RCAN2: variants seen among roughly 807,000 people sequenced by gnomAD.
The protein encoded by RCAN2 is regulator of calcineurin 2, also known as calcipressin-2.
In RCAN2, 9 loss-of-function variants were observed where a neutral mutation model predicts 23.6. That is an observed-to-expected ratio of 0.38 (90% CI 0.23 to 0.67). The LOEUF is 0.67. Among genes scored for constraint, RCAN2 ranks in the 30% least tolerant of loss-of-function variants. RCAN2 has a pLI of 0.51. For missense variants in RCAN2, 273 were observed against 302.3 expected (o/e 0.90, Z 0.72); for synonymous variants, 109 against 115.7 (o/e 0.94, Z 0.37).
At chr6:46,411,921 A>C (rs1478990374) in intron 2 of RCAN2, among the ~76,000 whole-genome samples, 1 of 152,170 alleles carries the variant, frequency 6.6e-6, no homozygotes, top group African/African-American at 2.4e-5. Context: ...GTATGATGGG[A>C]AGTGATTGGA....
intron 2 of RCAN2, among the ~76,000 whole-genome samples, chr6:46,300,515 C>T (rs893988586): frequency 2.0e-5 from 3 of 151,918 alleles, no homozygotes; most frequent in African/African-American, 7.2e-5. Context: ...ACCCACAGAT[C>T]CCTGATAAAT....
At chr6:46,379,958 C>A (rs560368525) in intron 2 of RCAN2, among the ~76,000 whole-genome samples, 1 of 152,228 alleles carries the variant, frequency 6.6e-6, no homozygotes, top group East Asian at 1.9e-4. Flanking sequence ...TTTAGAAAAA[C>A]CTTCCAAAAA....
At chr6:46,278,491 A>G (rs929023158) in intron 2 of RCAN2, among the ~76,000 whole-genome samples, 3 of 152,182 alleles carry the variant, frequency 2.0e-5, no homozygotes, top group Non-Finnish European at 4.4e-5. Flanking sequence ...TATATTTACT[A>G]AAATCAAGGA....
rs568232970 is a variant in RCAN2 at position 46,225,842 on chromosome 6, A to G, written c.572-2541T>C. On this transcript the variant is annotated intron_variant, in intron 4 of 4. Transcript: ENST00000371374. ...TTGTTGCCATTGCTTCTGGTGTTTC[A>G]GTCATGAAGTCCTTGCCCATGCCTA... Among the ~76,000 whole-genome samples the G allele has an allele frequency of 1.9e-3, 292 of 152,272 alleles. 2 individuals carry two copies. The highest frequency in any genetic ancestry group is 6.4e-3 in the African/African-American group (265 of 41,542).
chr6:46,473,332 CACAT>C (rs1768620985), intron 1 of RCAN2, among the ~76,000 whole-genome samples: 1 of 152,140 alleles, frequency 6.6e-6, no homozygotes, highest in South Asian at 2.1e-4. Flanking sequence ...TGGCATCACA[CACAT>C]ACAGACACAT....
At chr6:46,241,039 C>T (rs926343626) in intron 4 of RCAN2, among the ~76,000 whole-genome samples, 1 of 152,184 alleles carries the variant, frequency 6.6e-6, no homozygotes, top group Non-Finnish European at 1.5e-5. Flanking sequence ...TCCCTGCAGG[C>T]ATTTTCAGTG....
chr6:46,392,823 T>C lies in RCAN2; in HGVS notation c.225+63929A>G, dbSNP rs189384673. Among the ~76,000 whole-genome samples the C allele has an allele frequency of 9.6e-4, 146 of 152,220 alleles. 2 individuals are homozygous for C. Among genetic ancestry groups the C allele is most frequent in the African/African-American group, 3.1e-3 (127 of 41,552 alleles). On this transcript the variant is annotated intron_variant, in intron 2 of 4. Transcript: ENST00000371374. ...CATCTTTTAGGACAGTTGTAGAAAA[T>C]TGATGAATTGGAGCTAGAACTAGAT... is the stretch of plus-strand genomic sequence containing the variant.
At chr6:46,301,869 G>T (rs1285931161) in intron 2 of RCAN2, among the ~76,000 whole-genome samples, 1 of 152,074 alleles carries the variant, frequency 6.6e-6, no homozygotes, top group Non-Finnish European at 1.5e-5. Context: ...CAAATAGATG[G>T]AATCCTGTAG....
chr6:46,468,760 C>T (rs1768466109), intron 1 of RCAN2: 1 of 964,202 alleles, frequency 1.0e-6, no homozygotes, highest in African/African-American at 1.8e-5. Flanking sequence ...TCTCCCCACT[C>T]TTTCTCTCTC....
In RCAN2 at chr6:46,433,936, T is replaced by A. The variant is rs1245488081; in HGVS notation, c.225+22816A>T. The stretch of plus-strand genomic sequence containing the variant: ...GTTGTTAAATGCTGCACACAATTGG[T>A]GGAGCGGGTAAGTGCCCACTTCAGC... On this transcript the variant is annotated intron_variant, in intron 2 of 4. Transcript: ENST00000371374. 3.9e-5 allele frequency among the ~76,000 whole-genome samples: 6 copies of A among 152,218 alleles called. No homozygotes were observed. The East Asian group carries it at 1.2e-3, about 29-fold the overall frequency.
chr6:46,440,648 C>A (rs1314785392), intron 2 of RCAN2, among the ~76,000 whole-genome samples: 3 of 151,758 alleles, frequency 2.0e-5, no homozygotes, highest in African/African-American at 7.3e-5. Context: ...AATAAAATAT[C>A]AGGATCAATA....
chr6:46,450,901 A>G (rs1272158306), intron 2 of RCAN2, among the ~76,000 whole-genome samples: 1 of 152,100 alleles, frequency 6.6e-6, no homozygotes, highest in Non-Finnish European at 1.5e-5. Context: ...AAAAACCACT[A>G]AGAAGGTAGA....
At chr6:46,453,090 G>A (rs934004509) in intron 2 of RCAN2, among the ~76,000 whole-genome samples, 14 of 152,280 alleles carry the variant, frequency 9.2e-5, no homozygotes, top group African/African-American at 3.4e-4. Context: ...ACACAGGGCA[G>A]CTCAAAGGAC....
chr6:46,471,691 T>C (rs1171484556), intron 1 of RCAN2, among the ~76,000 whole-genome samples: 2 of 152,208 alleles, frequency 1.3e-5, no homozygotes, highest in East Asian at 3.9e-4. Flanking sequence ...TAGATGACAC[T>C]TATAGCCATG....
intron 2 of RCAN2, among the ~76,000 whole-genome samples, chr6:46,426,856 T>C (rs981088223): frequency 6.6e-6 from 1 of 152,104 alleles, no homozygotes; most frequent in Non-Finnish European, 1.5e-5. Flanking sequence ...AGCTAGCAAG[T>C]GGTAGAGATG....
chr6:46,289,448 C>T (rs1762472321), intron 2 of RCAN2, among the ~76,000 whole-genome samples: 1 of 152,158 alleles, frequency 6.6e-6, no homozygotes, highest in Non-Finnish European at 1.5e-5. Flanking sequence ...AATAAATCAT[C>T]AGTTTGTTTC....
chr6:46,440,161 T>C (rs1767493164), intron 2 of RCAN2, among the ~76,000 whole-genome samples: 1 of 152,182 alleles, frequency 6.6e-6, no homozygotes, highest in African/African-American at 2.4e-5. Context: ...TGAATACACA[T>C]ATCCTCAAAT....
At chr6:46,295,938 A>G (rs1762710826) in intron 2 of RCAN2, among the ~76,000 whole-genome samples, 1 of 151,928 alleles carries the variant, frequency 6.6e-6, no homozygotes, top group African/African-American at 2.4e-5. Context: ...GAAGTAGGCT[A>G]TGGAACAGAA....
At chr6:46,232,091 G>A (rs1477589747) in intron 4 of RCAN2, among the ~76,000 whole-genome samples, 1 of 152,250 alleles carries the variant, frequency 6.6e-6, no homozygotes, top group Non-Finnish European at 1.5e-5. Flanking sequence ...AGAAGACAGT[G>A]ACAGGAGCAG....
Sources: gnomAD v4.1 joint callset for allele counts (sites outside exome capture counted in the v4.1 genomes callset) on GRCh38, gnomAD v4.1.1 for gene constraint, MANE v1.5 for transcripts, NCBI Gene and HGNC (gene_info 2026-07-23, HGNC 2026-07-21) for gene names.